Variants in NEBL observed in about 807,000 individuals in gnomAD.
NEBL encodes the protein LIM and SH3 protein 2.
A neutral mutation model predicts 140.2 loss-of-function variants in NEBL; 122 were observed. The ratio of observed to expected loss-of-function variants is 0.87; its 90% CI spans 0.75 to 1.01. The LOEUF (loss-of-function observed/expected upper bound fraction) is 1.01. NEBL is among the 50% of genes least tolerant of loss of function. NEBL has a pLI of 0.00. For synonymous variants in NEBL, 436 were observed against 398.9 expected (o/e 1.09, Z -1.11); for missense variants, 1,365 against 1,231.3 (o/e 1.11, Z -1.62).
upstream of NEBL, among the ~76,000 whole-genome samples, chr10:20,899,076 G>A (rs1847723938): frequency 6.6e-6 from 1 of 152,134 alleles, no homozygotes; most frequent in Non-Finnish European, 1.5e-5. Context: ...CAGTGTAGTG[G>A]ATTCCACAAG....
At chr10:20,823,144 T>C in intron 19 of NEBL, 64 bp downstream of exon 19, 4 of 1,221,418 alleles carry the variant, frequency 3.3e-6, no homozygotes, top group Non-Finnish European at 3.5e-6. Flanking sequence ...GTACAGGTTT[T>C]ATGCTGTCAT....
At chr10:20,968,914 G>A (rs1314484088) in intron 3 of NEBL, among the ~76,000 whole-genome samples, 1 of 152,170 alleles carries the variant, frequency 6.6e-6, no homozygotes, top group Non-Finnish European at 1.5e-5. Context: ...TATAGTTCTT[G>A]TATAGTTCAT....
chr10:20,981,374 C>T (rs572390157), intron 3 of NEBL, among the ~76,000 whole-genome samples: 1 of 151,850 alleles, frequency 6.6e-6, no homozygotes, highest in Admixed American at 6.5e-5. Context: ...CACCCCCTTC[C>T]TAGTATTATG....
At chr10:20,803,504 T>A (rs1326891124) in intron 26 of NEBL, among the ~76,000 whole-genome samples, 1 of 152,140 alleles carries the variant, frequency 6.6e-6, no homozygotes, top group African/African-American at 2.4e-5. Flanking sequence ...TTTTTAAAAG[T>A]AAATAAATTT....
intron 3 of NEBL, among the ~76,000 whole-genome samples, chr10:21,240,007 C>T (rs1842417478): frequency 6.6e-6 from 1 of 150,520 alleles, no homozygotes; most frequent in African/African-American, 2.4e-5. Context: ...CAGAGCGAGA[C>T]TCTGCCTCAA....
In NEBL at chr10:20,842,862, G is replaced by C. The variant is rs567073800; in HGVS notation, c.1228-2013C>G. On this transcript the variant is annotated intron_variant, in intron 12 of 27. Coordinates refer to ENST00000377122, the MANE Select transcript of NEBL (RefSeq NM_006393.3). ...TTTTGAACTCTTTGACTATCACCTTGCCATTCCTCCCACCCTCCAGCCTCT... is the reference window on the plus strand; with the variant it reads ...TTTTGAACTCTTTGACTATCACCTTCCCATTCCTCCCACCCTCCAGCCTCT... Among the ~76,000 whole-genome samples, 34 of 151,980 alleles carry C rather than the reference G, an allele frequency of 2.2e-4. No homozygotes were observed. The South Asian group carries it at 5.0e-3, about 22-fold the overall frequency.
chr10:20,827,251 TG>T (rs1839965496), intron 17 of NEBL, among the ~76,000 whole-genome samples: 1 of 152,132 alleles, frequency 6.6e-6, no homozygotes, highest in South Asian at 2.1e-4. Context: ...CCCGCGTGGG[TG>T]GGAGAGCACG....
intron 3 of NEBL, chr10:21,020,005 C>T (rs1191994602): frequency 2.1e-6 from 2 of 931,568 alleles, no homozygotes; most frequent in Non-Finnish European, 1.8e-6. Flanking sequence ...CTTTCAGCCT[C>T]CACACCGGCT....
chr10:20,852,507 T>G (rs749087161), intron 10 of NEBL, 38 bp downstream of exon 10: 1 of 1,449,568 alleles, frequency 6.9e-7, no homozygotes, highest in African/African-American at 1.4e-5. Context: ...TACGGGTTGC[T>G]GGCAGGGAGG....
At chr10:21,145,142 T>A (rs2132110879) in intron 2 of NEBL, among the ~76,000 whole-genome samples, 1 of 152,276 alleles carries the variant, frequency 6.6e-6, no homozygotes, top group Admixed American at 6.5e-5. Flanking sequence ...AAGATTAGAT[T>A]CACAAGATAG....
chr10:20,868,511 T>A (rs1016332316), intron 7 of NEBL, 153 bp downstream of exon 7: 3 of 666,806 alleles, frequency 4.5e-6, no homozygotes, highest in African/African-American at 3.6e-5. Context: ...CTGAAATTCA[T>A]AATGATTGCA....
chr10:21,046,371 T>G lies in NEBL; in HGVS notation c.165-26170A>C, dbSNP rs201724074. ...TGAAAATTGCTAGGAAAATAGATTTTGTAGTGTTATACGAGGTAATACATA... is the reference window on the plus strand; with the variant it reads ...TGAAAATTGCTAGGAAAATAGATTTGGTAGTGTTATACGAGGTAATACATA... On this transcript the variant is annotated intron_variant, in intron 2 of 6. Coordinates refer to the NEBL transcript ENST00000417816. Among the ~76,000 whole-genome samples, 4 of 152,342 alleles carry G rather than the reference T, an allele frequency of 2.6e-5. No homozygotes were observed. In the East Asian group the frequency reaches 7.7e-4, roughly 29 times the overall value.
At chr10:20,902,408 A>C (rs77434336) in intron 4 of NEBL, among the ~76,000 whole-genome samples, 1 of 8,740 alleles carries the variant, frequency 1.1e-4, no homozygotes, top group East Asian at 1.1e-3. Context: ...CACTGTCTCA[A>C]AAAAAAAAAA....
At chr10:21,036,752 G>T (rs564620640) in intron 2 of NEBL, among the ~76,000 whole-genome samples, 10 of 152,098 alleles carry the variant, frequency 6.6e-5, no homozygotes, top group Admixed American at 5.9e-4. Context: ...ATTTAAGCTT[G>T]TCTCTACAGA....
At chr10:21,190,647 G>A (rs572068297) in intron 3 of NEBL, among the ~76,000 whole-genome samples, 2 of 152,262 alleles carry the variant, frequency 1.3e-5, no homozygotes, top group Admixed American at 1.3e-4. Flanking sequence ...AATGCAACTT[G>A]GGTGTTATAA....
intron 3 of NEBL, among the ~76,000 whole-genome samples, chr10:21,220,921 C>T (rs917223014): frequency 2.0e-5 from 3 of 152,128 alleles, no homozygotes; most frequent in Non-Finnish European, 4.4e-5. Flanking sequence ...TTTGGGAGGC[C>T]GAGGCAGGAG....
At chr10:20,887,411 CTTTTTTTTTTT>C (rs36034071) in intron 4 of NEBL, among the ~76,000 whole-genome samples, 9 of 80,626 alleles carry the variant, frequency 1.1e-4, no homozygotes, top group African/African-American at 4.4e-4. Flanking sequence ...TGAATTCAAC[CTTTTTTTTTTT>C]TTTTTTTTTT....
At chr10:20,904,736 T>C (rs1382431992) in intron 4 of NEBL, among the ~76,000 whole-genome samples, 1 of 152,212 alleles carries the variant, frequency 6.6e-6, no homozygotes, top group East Asian at 1.9e-4. Context: ...TTGAAAAGCA[T>C]AAAAGGCTTC....
chr10:20,785,919 G>A lies in NEBL; in HGVS notation c.2873C>T (p.Thr958Ile). The change falls in exon 28 of 28, where the codon ACC (threonine) becomes ATC (isoleucine). Residue 958 changes from threonine (T) to isoleucine (I), a missense_variant. Thr to Ile is a moderately conservative substitution (Grantham distance 89). Around this residue, in one of 2 missense-constraint regions of NEBL, gnomAD observed 1,323 missense variants for 1,154.8 expected, o/e 1.15. Transcript: ENST00000377122. Reference sequence around the variant, plus strand: ...ACTGTAATCGTACATGGCTCGGTAGGTCCTCTGAGAAAGGAAGAAGGGATT... The same window carrying A: ...ACTGTAATCGTACATGGCTCGGTAGATCCTCTGAGAAAGGAAGAAGGGATT... ...RSMQHSPNLRTYRAMYDYSAQ... is the reference protein window; with the variant it reads ...RSMQHSPNLRIYRAMYDYSAQ... The A allele has an allele frequency of 6.2e-7, 1 of 1,613,826 alleles. No individual in the cohort carries two copies. The highest frequency in any genetic ancestry group is 8.5e-7 in the Non-Finnish European group (1 of 1,179,804).
Sources: gnomAD v4.1 joint callset for allele counts (sites outside exome capture counted in the v4.1 genomes callset) on GRCh38, gnomAD v4.1.1 for gene constraint, gnomAD v4.1.1 regional missense constraint, MANE v1.5 for transcripts, NCBI Gene and HGNC (gene_info 2026-07-23, HGNC 2026-07-21) for gene names.